Variants in PPP1R12C observed in about 807,000 individuals in gnomAD.
PPP1R12C encodes the protein protein phosphatase 1 regulatory subunit 12C, also known as leukocyte receptor cluster (LRC) encoded novel gene 3.
A neutral mutation model predicts 95.6 loss-of-function variants in PPP1R12C; 48 were observed. The ratio of observed to expected loss-of-function variants is 0.50; its 90% CI spans 0.40 to 0.64. The LOEUF (loss-of-function observed/expected upper bound fraction) is 0.64. Ranked by LOEUF, PPP1R12C falls within the 30% of genes least tolerant of loss-of-function variation. The probability of loss-of-function intolerance (pLI) is 0.00; values close to 1 mark genes in which losing one functional copy is unlikely to be tolerated. For missense variants in PPP1R12C, 1,057 were observed against 1,083.3 expected (o/e 0.98, Z 0.34); for synonymous variants, 480 against 460.8 (o/e 1.04, Z -0.53).
At chr19:55,097,957 G>A (rs1043104449) in intron 6 of PPP1R12C, among the ~76,000 whole-genome samples, 1 of 152,096 alleles carries the variant, frequency 6.6e-6, no homozygotes, top group African/African-American at 2.4e-5. Flanking sequence ...CCCTCCCTGG[G>A]CACCTCAGGG....
At chr19:55,117,003 G>A (rs1005492127) in intron 1 of PPP1R12C, among the ~76,000 whole-genome samples, 2 of 152,186 alleles carry the variant, frequency 1.3e-5, no homozygotes, top group East Asian at 1.9e-4. Context: ...AGCACAGAGT[G>A]GCTAAGCCCA....
chr19:55,092,824 C>T lies in PPP1R12C; in HGVS notation c.1870G>A (p.Glu624Lys). ...GQGPGPQAAR[E>K]HRKVGKEWRG... Reference sequence around the variant, plus strand: ...CACTCCTTTCCGACCTTGCGGTGCTCCCTGGCCGCCTGCGGTCCCGGACCC... The same window carrying T: ...CACTCCTTTCCGACCTTGCGGTGCTTCCTGGCCGCCTGCGGTCCCGGACCC... The change falls in exon 16 of 22, where the codon GAG becomes AAG. Residue 624 changes from glutamate (E) to lysine (K), a missense_variant. Coordinates refer to ENST00000263433, the MANE Select transcript of PPP1R12C (RefSeq NM_017607.4). 1 of 1,566,140 alleles carries T rather than the reference C, an allele frequency of 6.4e-7. No individual in the cohort carries two copies. The highest frequency in any genetic ancestry group is 1.2e-5 in the South Asian group (1 of 85,988).
intron 3 of PPP1R12C, among the ~76,000 whole-genome samples, chr19:55,108,907 T>C (rs552818876): frequency 1.4e-4 from 22 of 152,198 alleles, no homozygotes; most frequent in Non-Finnish European, 2.9e-4. Flanking sequence ...AGTTTCTCCA[T>C]GTTGGTCAGG....
chr19:55,099,056 G>T lies in PPP1R12C; in HGVS notation c.771C>A (p.Asp257Glu). The stretch of plus-strand genomic sequence containing the variant: ...CGTGCAGGGGAGTCCAGCCGTCCCC[G>T]TCCCGGAGCTCTGGGTCGTAGCCAG... ...LQAGYDPELR[D>E]GDGWTPLHAA... Residue 257 changes from aspartate (D) to glutamate (E), a missense_variant, in exon 5 of 22, where the codon GAC becomes GAA. Physicochemically the swap from Asp to Glu is conservative, Grantham distance 45 (BLOSUM62 2). Coordinates refer to ENST00000263433, the MANE Select transcript of PPP1R12C (RefSeq NM_017607.4). 6.4e-7 allele frequency: 1 copy of T among 1,552,872 alleles called. No individual in the cohort carries two copies. Among genetic ancestry groups the T allele is most frequent in the East Asian group, 2.4e-5 (1 of 41,538 alleles).
chr19:55,093,095 G>C lies in PPP1R12C; in HGVS notation c.1765-19C>G, dbSNP rs757702638. The C allele has an allele frequency of 2.5e-6, 4 of 1,593,116 alleles. No homozygotes were observed. Among genetic ancestry groups the C allele is most frequent in the South Asian group, 2.2e-5 (2 of 90,932 alleles). On this transcript the variant is annotated intron_variant, in intron 14 of 21. Transcript: ENST00000263433. ...AAGGGTCCTGTCGGGAGGGGGAGGC[G>C]AGTCAGGGAAGCAGGACATCCCGCA...
rs370873222 is a variant in PPP1R12C, at chr19:55,091,541, G to C, written c.2280C>G (p.Arg760=). The change falls in exon 22 of 22, where the codon CGC becomes CGG. Residue 760 remains arginine (R), a synonymous_variant. Coordinates refer to ENST00000263433, the MANE Select transcript of PPP1R12C (RefSeq NM_017607.4). ...EEELKALSDL[R]ADNQRLKDEN... is the part of the protein sequence containing the mutation. ...CATCCTTGAGGCGCTGGTTGTCAGC[G>C]CGGAGGTCAGACAGGGCCTGGGGGA... is the stretch of plus-strand genomic sequence containing the variant. 9 of 1,613,704 alleles carry C rather than the reference G, an allele frequency of 5.6e-6. No individual in the cohort carries two copies. The highest frequency in any genetic ancestry group is 7.6e-6 in the Non-Finnish European group (9 of 1,179,966).
rs1294174396 is a variant in PPP1R12C at position 55,092,806 on chromosome 19, T to C, written c.1888A>G (p.Lys630Glu). 1 of 1,561,968 alleles carries C rather than the reference T, an allele frequency of 6.4e-7. No individual in the cohort carries two copies. Among genetic ancestry groups the C allele is most frequent in the African/African-American group, 1.4e-5 (1 of 73,466 alleles). The stretch of plus-strand genomic sequence containing the variant: ...ACCTCCGCAGGCCCCCTCCACTCCT[T>C]TCCGACCTTGCGGTGCTCCCTGGCC... ...QAAREHRKVG[K>E]EWRGPAEGEE... Residue 630 changes from lysine (K) to glutamate (E), a missense_variant, in exon 16 of 22, where the codon AAG (lysine) becomes GAG (glutamate). Around this residue, in one of 5 missense-constraint regions of PPP1R12C, gnomAD observed 347 missense variants for 307.9 expected, o/e 1.13. Coordinates refer to ENST00000263433, the MANE Select transcript of PPP1R12C (RefSeq NM_017607.4).
chr19:55,103,389 A>G lies in PPP1R12C; in HGVS notation c.731+20T>C. ...AGGAAGGTATAAGACAGCAAGATGG[A>G]ACAGACTGGCCCAACTCACCTCATC... On this transcript the variant is annotated intron_variant, in intron 4 of 21. Coordinates refer to ENST00000263433, the MANE Select transcript of PPP1R12C (RefSeq NM_017607.4). The G allele has an allele frequency of 3.4e-6, 5 of 1,457,468 alleles. No individual in the cohort carries two copies. The highest frequency in any genetic ancestry group is 4.6e-6 in the Non-Finnish European group (5 of 1,089,640). The allele number at this position is 1,457,468 out of a possible 1,614,324, so 90.3% of individuals were successfully genotyped here.
At position 55,109,623 on chromosome 19, in the gene PPP1R12C, T is replaced by C. The variant is rs2085073995; in HGVS notation, c.571+2844A>G. 1.3e-5 allele frequency among the ~76,000 whole-genome samples: 2 copies of C among 152,218 alleles called. No individual in the cohort carries two copies. Among genetic ancestry groups the C allele is most frequent in the Admixed American group, 1.3e-4 (2 of 15,286 alleles). ...AGTAAGCCAGGGAAAGCGAAGGGGA[T>C]GGTCGTGCCTGAGGCCGGTCTGTCT... On this transcript the variant is annotated intron_variant, in intron 3 of 21. Transcript: ENST00000263433. The surrounding 1 kb of genome is among the most constrained non-coding windows in gnomAD (Gnocchi z 4.4).
rs1175573122 is a variant in PPP1R12C at position 55,099,246 on chromosome 19, G to A, written c.732-151C>T. 7.0e-6 allele frequency: 6 copies of A among 852,714 alleles called. No individual in the cohort carries two copies. In the Admixed American group the frequency reaches 1.6e-4, roughly 23 times the overall value. The allele number at this position is 852,714 out of a possible 1,614,324, so 52.8% of individuals were successfully genotyped here. On this transcript the variant is annotated intron_variant, in intron 4 of 21. Transcript: ENST00000263433. ...AAAGAGCCACTGCCCAGCATCCGCT[G>A]CCACAAGAGGCCCCTCTGCACCAGG...
chr19:55,100,736 C>T (rs2084971336), intron 4 of PPP1R12C, among the ~76,000 whole-genome samples: 1 of 152,142 alleles, frequency 6.6e-6, no homozygotes, highest in Admixed American at 6.5e-5. Flanking sequence ...CCTCAGCCTT[C>T]CAGGTAGCTG....
Position 55,092,861 on chromosome 19 carries a change from C to A in PPP1R12C, c.1833G>T (p.Ala611=), listed in dbSNP as rs781200521. 1 of 1,586,878 alleles carries A rather than the reference C, an allele frequency of 6.3e-7. No individual in the cohort carries two copies. The highest frequency in any genetic ancestry group is 1.3e-5 in the African/African-American group (1 of 74,316). ...GCGGTCCCGGACCCTGCCCGTCGGG[C>A]GCCTCTGCTGGGGGAGGGGCAGGAA... ...NSDSPAQRAE[A]PDGQGPGPQA... Residue 611 remains alanine (A), a synonymous_variant, in exon 16 of 22, where the codon GCG becomes GCT. Transcript: ENST00000263433.
chr19:55,095,764 A>G, intron 9 of PPP1R12C, 103 bp downstream of exon 9: 2 of 1,526,338 alleles, frequency 1.3e-6, no homozygotes, highest in South Asian at 1.1e-5. Context: ...TCTGGGAACT[A>G]TAGTCTTCCC....
chr19:55,099,947 T>G (rs919028606), intron 4 of PPP1R12C, among the ~76,000 whole-genome samples: 1 of 152,196 alleles, frequency 6.6e-6, no homozygotes, highest in African/African-American at 2.4e-5. Context: ...GCCTGGGATA[T>G]TCTACAAAGA....
At chr19:55,092,395 G>T (rs936515066) in intron 18 of PPP1R12C, 47 bp downstream of exon 18, 2 of 1,575,466 alleles carry the variant, frequency 1.3e-6, no homozygotes, top group East Asian at 2.3e-5. Flanking sequence ...AAGCCAGGAA[G>T]CTGGGCACCC....
At chr19:55,104,780 CAT>C (rs140765784) in intron 3 of PPP1R12C, among the ~76,000 whole-genome samples, 94 of 145,248 alleles carry the variant, frequency 6.5e-4, no homozygotes, top group Admixed American at 1.7e-3. Flanking sequence ...AACTTTAGGC[CAT>C]ATATATATAT....
chr19:55,110,807 G>T (rs140168384), intron 3 of PPP1R12C, among the ~76,000 whole-genome samples: 210 of 151,504 alleles, frequency 1.4e-3, no homozygotes, highest in African/African-American at 4.9e-3. Flanking sequence ...GGAGGTGGAG[G>T]TTGCAGTGAG....
chr19:55,094,589 C>G lies in PPP1R12C; in HGVS notation c.1592+72G>C, dbSNP rs1042892605. 2.8e-5 allele frequency: 43 copies of G among 1,526,702 alleles called. 2 individuals are homozygous for G. The highest frequency in any genetic ancestry group is 2.4e-4 in the South Asian group (19 of 80,568). 94.6% of individuals were successfully genotyped at this position (1,526,702 alleles called of 1,614,324 possible). Reference sequence around the variant, plus strand: ...TCCCTCAGGAGCCCACCCAAAGCCCCGGGACTCCTGCTTCACATCGTCTCT... The same window carrying G: ...TCCCTCAGGAGCCCACCCAAAGCCCGGGGACTCCTGCTTCACATCGTCTCT... On this transcript the variant is annotated intron_variant, in intron 12 of 21. Coordinates refer to ENST00000263433, the MANE Select transcript of PPP1R12C (RefSeq NM_017607.4).
chr19:55,113,760 A>G (rs1032419901), intron 1 of PPP1R12C: 15 of 373,258 alleles, frequency 4.0e-5, no homozygotes, highest in African/African-American at 2.9e-4. Context: ...AAGGGGCCGC[A>G]CGTGCCCTGG....
Sources: allele counts gnomAD v4.1 joint callset (sites outside exome capture counted in the v4.1 genomes callset), GRCh38; gene constraint gnomAD v4.1.1; regional missense constraint gnomAD v4.1.1; non-coding constraint Gnocchi (gnomAD v3.1); transcripts MANE v1.5; gene names NCBI Gene and HGNC (gene_info 2026-07-23, HGNC 2026-07-21).